ITFG1: variants seen among roughly 807,000 people sequenced by gnomAD.
The protein encoded by ITFG1 is T-cell immunomodulatory protein.
Under a neutral mutation model 81.8 loss-of-function variants are expected in ITFG1, and 34 were observed. The observed-to-expected ratio is 0.42, with a 90% CI of 0.32 to 0.55. ITFG1 has a LOEUF of 0.55. Among genes scored for constraint, ITFG1 ranks in the 20% least tolerant of loss-of-function variants. ITFG1 has a pLI of 0.17. For missense variants in ITFG1, 672 were observed against 755.4 expected, an observed-to-expected ratio of 0.89 and a Z score of 1.29; for synonymous variants, 285 against 270.6, an observed-to-expected ratio of 1.05 and a Z score of -0.52.
intron 12 of ITFG1, among the ~76,000 whole-genome samples, chr16:47,245,856 A>C (rs1489771457): frequency 6.6e-6 from 1 of 151,880 alleles, no homozygotes; most frequent in African/African-American, 2.4e-5. Context: ...AATGAAGAGG[A>C]AACTGAAGAA....
chr16:47,303,707 T>C lies in ITFG1; in HGVS notation c.1070+7533A>G, dbSNP rs546492013. 2.0e-5 allele frequency among the ~76,000 whole-genome samples: 3 copies of C among 152,316 alleles called. No homozygotes were observed. In the East Asian group the frequency reaches 5.8e-4, roughly 29 times the overall value. On this transcript the variant is annotated intron_variant, in intron 10 of 17. Coordinates refer to ENST00000320640, the MANE Select transcript of ITFG1 (RefSeq NM_030790.5). ...GGTGTAATTATAGCTCACTGCAGCC[T>C]TCAATTCCTAGGCTCAGGTGATCCT...
intron 13 of ITFG1, among the ~76,000 whole-genome samples, chr16:47,226,215 T>G (rs1965755240): frequency 6.6e-6 from 1 of 152,154 alleles, no homozygotes; most frequent in Admixed American, 6.5e-5. Context: ...AATAACTTTT[T>G]TGTGTGTGTG....
chr16:47,376,159 A>G (rs899262198), intron 6 of ITFG1, among the ~76,000 whole-genome samples: 1 of 152,010 alleles, frequency 6.6e-6, no homozygotes, highest in African/African-American at 2.4e-5. Context: ...TTAGTCCTTC[A>G]AGAATATTCC....
At chr16:47,254,815 G>A (rs1232712176) in intron 12 of ITFG1, among the ~76,000 whole-genome samples, 1 of 152,154 alleles carries the variant, frequency 6.6e-6, no homozygotes, top group East Asian at 1.9e-4. Context: ...ACATTCAGAT[G>A]AACTAAGTAA....
chr16:47,241,346 C>CA (rs1965931272), intron 12 of ITFG1, among the ~76,000 whole-genome samples: 1 of 152,140 alleles, frequency 6.6e-6, no homozygotes, highest in South Asian at 2.1e-4. Flanking sequence ...ATGTGTACAT[C>CA]AGTGTTCATA....
intron 13 of ITFG1, among the ~76,000 whole-genome samples, chr16:47,231,736 G>T (rs894226727): frequency 4.6e-5 from 7 of 152,250 alleles, no homozygotes; most frequent in Non-Finnish European, 1.0e-4. Context: ...GCCTACTATG[G>T]TCTATCTACA....
intron 8 of ITFG1, among the ~76,000 whole-genome samples, chr16:47,353,055 G>A (rs1967986949): frequency 6.6e-6 from 1 of 150,556 alleles, no homozygotes; most frequent in Non-Finnish European, 1.5e-5. Context: ...ACCGGGGCCT[G>A]TTGTGGGGTA....
intron 6 of ITFG1, among the ~76,000 whole-genome samples, chr16:47,394,567 G>C (rs1968571378): frequency 6.6e-6 from 1 of 151,934 alleles, no homozygotes; most frequent in East Asian, 1.9e-4. Context: ...TTTTCCTAGA[G>C]CAGAAAGGCC....
chr16:47,366,010 G>A, intron 7 of ITFG1, 141 bp from the exon 8 acceptor site: 1 of 532,118 alleles, frequency 1.9e-6, no homozygotes, highest in East Asian at 2.9e-5. Context: ...CCAATCTCCT[G>A]TTTCACTTTT....
intron 10 of ITFG1, among the ~76,000 whole-genome samples, chr16:47,268,567 C>G (rs1358999681): frequency 2.0e-5 from 3 of 152,208 alleles, no homozygotes; most frequent in South Asian, 2.1e-4. Flanking sequence ...GACCAATATT[C>G]TTCATGAGGA....
intron 8 of ITFG1, among the ~76,000 whole-genome samples, chr16:47,350,639 G>A (rs1300040595): frequency 2.0e-5 from 3 of 152,144 alleles, no homozygotes; most frequent in Admixed American, 2.0e-4. Flanking sequence ...TGAGGTACAA[G>A]GAGGAGCTGG....
chr16:47,450,032 C>G (rs1186271841), intron 5 of ITFG1: 2 of 152,286 alleles, frequency 1.3e-5, no homozygotes, highest in African/African-American at 4.8e-5. Flanking sequence ...ATCACATCCT[C>G]AATCACATGC....
At chr16:47,169,148 TG>T (rs2151509323) in intron 14 of ITFG1, among the ~76,000 whole-genome samples, 1 of 152,340 alleles carries the variant, frequency 6.6e-6, no homozygotes, top group Non-Finnish European at 1.5e-5. Flanking sequence ...CTTTTGAATT[TG>T]GAAAGTGTAA....
At position 47,400,086 on chromosome 16, in the gene ITFG1, A is replaced by T. The variant is rs142994448; in HGVS notation, c.656-24146T>A. 1.7e-3 allele frequency among the ~76,000 whole-genome samples: 259 copies of T among 152,288 alleles called. 2 individuals are homozygous for T. Among genetic ancestry groups the T allele is most frequent in the African/African-American group, 5.9e-3 (245 of 41,578 alleles). On this transcript the variant is annotated intron_variant, in intron 6 of 17. Transcript: ENST00000320640. Reference sequence around the variant, plus strand: ...AGTCCCATTTCTACAGATGAGGCTAAATTTGCCCAGCTGGTCAGTGGTAGA... The same window carrying T: ...AGTCCCATTTCTACAGATGAGGCTATATTTGCCCAGCTGGTCAGTGGTAGA...
intron 6 of ITFG1, among the ~76,000 whole-genome samples, chr16:47,421,387 C>T (rs1002394364): frequency 1.3e-5 from 2 of 151,964 alleles, no homozygotes; most frequent in Non-Finnish European, 2.9e-5. Context: ...CTCACTGAAC[C>T]TCTGCCTCCC....
chr16:47,298,942 T>C (rs1967027894), intron 10 of ITFG1, among the ~76,000 whole-genome samples: 2 of 151,746 alleles, frequency 1.3e-5, no homozygotes, highest in Non-Finnish European at 2.9e-5. Context: ...TAGGATGGGG[T>C]GGTAAAGCTG....
At chr16:47,242,801 A>C (rs1487586389) in intron 12 of ITFG1, among the ~76,000 whole-genome samples, 1 of 152,162 alleles carries the variant, frequency 6.6e-6, no homozygotes, top group Admixed American at 6.5e-5. Context: ...ACAAGGGAGA[A>C]TTAATCTGTG....
At chr16:47,388,604 G>C (rs1468795935) in intron 6 of ITFG1, among the ~76,000 whole-genome samples, 1 of 152,018 alleles carries the variant, frequency 6.6e-6, no homozygotes, top group African/African-American at 2.4e-5. Flanking sequence ...CTACATTCAG[G>C]AAAACTAATT....
At chr16:47,398,308 G>A (rs1040149079) in intron 6 of ITFG1, among the ~76,000 whole-genome samples, 2 of 152,174 alleles carry the variant, frequency 1.3e-5, no homozygotes, top group Non-Finnish European at 2.9e-5. Flanking sequence ...AAAAAGGCCT[G>A]AATCAAGAAG....
Sources: gnomAD v4.1 joint callset for allele counts (sites outside exome capture counted in the v4.1 genomes callset) on GRCh38, gnomAD v4.1.1 for gene constraint, MANE v1.5 for transcripts, NCBI Gene and HGNC (gene_info 2026-07-23, HGNC 2026-07-21) for gene names.